Variants in GRIN2B observed in about 807,000 individuals in gnomAD.
GRIN2B encodes the protein glutamate ionotropic receptor NMDA type subunit 2B, also known as glutamate receptor ionotropic, NMDA 2B.
A neutral mutation model predicts 114.5 loss-of-function variants in GRIN2B; 5 were observed. The ratio of observed to expected loss-of-function variants is 0.04; its 90% CI spans 0.02 to 0.09. The LOEUF is 0.09. Among genes scored for constraint, GRIN2B ranks in the 10% least tolerant of loss-of-function variants. GRIN2B has a pLI of 1.00. For synonymous variants in GRIN2B, 787 were observed against 745.1 expected, an observed-to-expected ratio of 1.06 and a Z score of -0.92; for missense variants, 1,108 against 1,943.5, an observed-to-expected ratio of 0.57 and a Z score of 8.08.
chr12:13,784,427 T>G (rs905355990), intron 3 of GRIN2B, among the ~76,000 whole-genome samples: 1 of 151,896 alleles, frequency 6.6e-6, no homozygotes, highest in Non-Finnish European at 1.5e-5. Flanking sequence ...ACATGACAAT[T>G]TGAGCTGTCC....
chr12:13,721,828 G>A (rs910419723), intron 4 of GRIN2B, among the ~76,000 whole-genome samples: 1 of 152,074 alleles, frequency 6.6e-6, no homozygotes, highest in Non-Finnish European at 1.5e-5. Flanking sequence ...AATAAATAAA[G>A]GAGCTCAAGC....
chr12:13,901,078 G>A (rs11055673), intron 2 of GRIN2B, among the ~76,000 whole-genome samples: 22,586 of 151,804 alleles, frequency 0.15, 2,121 homozygotes, highest in Non-Finnish European at 0.19. Flanking sequence ...TTTCAAATTG[G>A]GCCAATTAAA....
At chr12:13,651,354 C>T (rs2136516849) in intron 5 of GRIN2B, among the ~76,000 whole-genome samples, 1 of 152,190 alleles carries the variant, frequency 6.6e-6, no homozygotes, top group Admixed American at 6.5e-5. Flanking sequence ...GCGGGGCCTC[C>T]AACATCTGTC....
chr12:13,918,298 AG>A (rs1317296840), intron 2 of GRIN2B, among the ~76,000 whole-genome samples: 2 of 152,216 alleles, frequency 1.3e-5, no homozygotes, highest in African/African-American at 4.8e-5. Context: ...CTAAATACTC[AG>A]GAGACTGAGG....
rs199681867 is a variant in GRIN2B, at chr12:13,561,550, C to A, written c.*1233G>T. On this transcript the variant is annotated 3_prime_UTR_variant, in exon 14 of 14. Transcript: ENST00000609686. ...GGGATCAAAGCATTGGAAACATCCC[C>A]CTCTCTCACTTACCCTACCATACAC... 1.3e-5 allele frequency: 2 copies of A among 152,588 alleles called. No homozygotes were observed. Among genetic ancestry groups the A allele is most frequent in the African/African-American group, 2.4e-5 (1 of 41,440 alleles). The allele number at this position is 152,588 out of a possible 1,614,324, so 9.5% of individuals were successfully genotyped here.
intron 4 of GRIN2B, among the ~76,000 whole-genome samples, chr12:13,686,429 G>A (rs1238959087): frequency 2.6e-5 from 4 of 152,000 alleles, no homozygotes; most frequent in Admixed American, 2.6e-4. Context: ...TGTACTGTGT[G>A]GGGGCTAGAA....
chr12:13,872,001 C>T (rs953227397), intron 2 of GRIN2B, among the ~76,000 whole-genome samples: 1 of 152,036 alleles, frequency 6.6e-6, no homozygotes, highest in Non-Finnish European at 1.5e-5. Flanking sequence ...CAGCCCACCC[C>T]ACCTCTGCCA....
At chr12:13,966,557 G>T (rs951863257) in intron 2 of GRIN2B, among the ~76,000 whole-genome samples, 4 of 152,140 alleles carry the variant, frequency 2.6e-5, no homozygotes, top group African/African-American at 9.7e-5. Flanking sequence ...TGGCCAGATT[G>T]TCTTTTCTTG....
At chr12:13,738,516 C>G (rs1042385453) in intron 4 of GRIN2B, among the ~76,000 whole-genome samples, 1 of 152,098 alleles carries the variant, frequency 6.6e-6, no homozygotes, top group African/African-American at 2.4e-5. Flanking sequence ...GGAACAGAAA[C>G]CAAATTAGGA....
At chr12:13,834,184 C>T (rs949230949) in intron 3 of GRIN2B, among the ~76,000 whole-genome samples, 27 of 141,950 alleles carry the variant, frequency 1.9e-4, no homozygotes, top group Non-Finnish European at 3.5e-4. Context: ...GTGCCCACCA[C>T]CACGCCTGGC....
chr12:13,737,506 C>T (rs896033121), intron 4 of GRIN2B, among the ~76,000 whole-genome samples: 2 of 152,130 alleles, frequency 1.3e-5, no homozygotes, highest in Non-Finnish European at 2.9e-5. Flanking sequence ...CCACTGTGTC[C>T]GGCTGAAAGT....
intron 5 of GRIN2B, among the ~76,000 whole-genome samples, chr12:13,621,719 T>TC (rs2136487953): frequency 9.7e-4 from 1 of 1,026 alleles, no homozygotes; most frequent in Admixed American, 0.015. Context: ...TGGGAATTTC[T>TC]CCTCAGAAGG....
Position 13,753,487 on chromosome 12 carries a change from T to C in GRIN2B, c.840A>G (p.Val280=), listed in dbSNP as rs752814750. The C allele has an allele frequency of 8.7e-6, 14 of 1,614,168 alleles. No individual in the cohort carries two copies. The highest frequency in any genetic ancestry group is 1.3e-5 in the African/African-American group (1 of 75,052). The change falls in exon 4 of 14, where the codon GTA becomes GTG. Residue 280 remains valine (V), a synonymous_variant. Coordinates refer to ENST00000609686, the MANE Select transcript of GRIN2B (RefSeq NM_000834.5). This position sits in a 1 kb window ranked among gnomAD's most constrained non-coding sequence, Gnocchi z 6.2. The stretch of plus-strand genomic sequence containing the variant: ...GGCCATAGTCCCATTCATCATATGA[T>C]ACAGAGATGAGCCCAGTGGGGAACT... ...PAEFPTGLIS[V]SYDEWDYGLP...
chr12:13,767,028 G>A (rs935127236), intron 3 of GRIN2B, among the ~76,000 whole-genome samples: 10 of 152,062 alleles, frequency 6.6e-5, no homozygotes, highest in Admixed American at 2.6e-4. Flanking sequence ...AGGCCGAGGC[G>A]GGTGGATCAC....
At chr12:13,926,614 AG>A (rs1334746763) in intron 2 of GRIN2B, among the ~76,000 whole-genome samples, 1 of 152,218 alleles carries the variant, frequency 6.6e-6, no homozygotes, top group African/African-American at 2.4e-5. Context: ...AAATGAGCAA[AG>A]TCAAGGACTT....
chr12:13,630,742 T>A (rs1417357121), intron 5 of GRIN2B, among the ~76,000 whole-genome samples: 1 of 152,130 alleles, frequency 6.6e-6, no homozygotes, highest in African/African-American at 2.4e-5. Flanking sequence ...TAATTCAAAC[T>A]GCTGACCCAA....
At chr12:13,565,366 T>C (rs1394144951) in intron 13 of GRIN2B, among the ~76,000 whole-genome samples, 1 of 152,224 alleles carries the variant, frequency 6.6e-6, no homozygotes, top group Non-Finnish European at 1.5e-5. Flanking sequence ...AACTCCCTTG[T>C]TGAATTCTCT....
intron 5 of GRIN2B, among the ~76,000 whole-genome samples, chr12:13,625,783 G>C (rs1457157003): frequency 6.6e-6 from 1 of 152,090 alleles, no homozygotes; most frequent in Admixed American, 6.5e-5. Flanking sequence ...GAAATCACAG[G>C]AATAAAAATG....
chr12:13,671,215 G>T lies in GRIN2B; in HGVS notation c.1125+4530C>A, dbSNP rs540593875. Among the ~76,000 whole-genome samples, 8 of 152,218 alleles carry T rather than the reference G, an allele frequency of 5.3e-5. No individual in the cohort carries two copies. The East Asian group carries it at 1.5e-3, about 29-fold the overall frequency. ...GGGTATTGACTACCAATTGACATTT[G>T]TTGGAGACTGACTGTTTCAGTGACT... On this transcript the variant is annotated intron_variant, in intron 5 of 13. Coordinates refer to ENST00000609686, the MANE Select transcript of GRIN2B (RefSeq NM_000834.5).
Sources: allele counts gnomAD v4.1 joint callset (sites outside exome capture counted in the v4.1 genomes callset), GRCh38; gene constraint gnomAD v4.1.1; non-coding constraint Gnocchi (gnomAD v3.1); transcripts MANE v1.5; gene names NCBI Gene and HGNC (gene_info 2026-07-23, HGNC 2026-07-21).